PCLO: variants seen among roughly 807,000 people sequenced by gnomAD.
PCLO encodes the protein protein piccolo.
PCLO carries 82 observed loss-of-function variants against 427.5 expected under a neutral mutation model. The ratio of observed to expected loss-of-function variants is 0.19; its 90% CI spans 0.16 to 0.23. The LOEUF is 0.23. PCLO is among the 10% of genes least tolerant of loss of function. The pLI is 1.00. For missense variants in PCLO, 6,239 were observed against 6,115.9 expected (o/e 1.02, Z -0.67); for synonymous variants, 2,357 against 2,155.4 (o/e 1.09, Z -2.59).
intron 3 of PCLO, among the ~76,000 whole-genome samples, chr7:83,016,707 G>A (rs1414984344): frequency 6.6e-6 from 1 of 152,080 alleles, no homozygotes; most frequent in African/African-American, 2.4e-5. Context: ...AGTACTATGT[G>A]TAACATGGGA....
chr7:82,761,548 T>A, intron 22 of PCLO, 55 bp from the exon 23 acceptor site: 2 of 1,317,894 alleles, frequency 1.5e-6, no homozygotes, highest in South Asian at 1.3e-5. Context: ...TATGAAATGT[T>A]TAGTTCAGTA....
Position 83,162,402 on chromosome 7 carries a change from T to G in PCLO, c.191A>C (p.Gln64Pro). 1 of 1,598,728 alleles carries G rather than the reference T, an allele frequency of 6.3e-7. No individual in the cohort carries two copies. Among genetic ancestry groups the G allele is most frequent in the Non-Finnish European group, 8.5e-7 (1 of 1,172,516 alleles). ...RQIAAVMSRA[Q>P]GLPKGSVPPA... The stretch of plus-strand genomic sequence containing the variant: ...GGGGACGCTTCCCTTGGGCAGCCCC[T>G]GCGCCCTTGACATGACAGCGGCGAT... Residue 64 changes from glutamine to proline, a missense_variant, in exon 1 of 25, where the codon CAG becomes CCG. By Grantham distance (76) the Gln-to-Pro change is moderately conservative (BLOSUM62 -1). This residue lies in a region of PCLO where 4,677 missense variants were observed against 4,468.4 expected (regional missense o/e 1.05). Transcript: ENST00000333891.
intron 10 of PCLO, among the ~76,000 whole-genome samples, chr7:82,865,361 G>T (rs1229729661): frequency 3.8e-4 from 57 of 151,972 alleles, no homozygotes. Context: ...GGTGGCCAGC[G>T]ACTGTAATCC....
chr7:82,880,340 C>A (rs758267760), intron 9 of PCLO: 52 of 352,428 alleles, frequency 1.5e-4, no homozygotes, highest in Non-Finnish European at 2.6e-4. Context: ...GTTTTAAGAC[C>A]ATTATTTTGA....
chr7:83,091,602 G>A (rs577049286), intron 3 of PCLO, among the ~76,000 whole-genome samples: 3 of 152,022 alleles, frequency 2.0e-5, no homozygotes, highest in African/African-American at 7.2e-5. Flanking sequence ...AACACTCTTG[G>A]GAAGGAATTG....
chr7:83,069,682 T>G (rs7797507), intron 3 of PCLO, among the ~76,000 whole-genome samples: 13,944 of 151,734 alleles, frequency 0.092, 829 homozygotes, highest in East Asian at 0.17. Context: ...ACATAGTAAG[T>G]TTTTAATAAA....
At chr7:83,043,096 T>C (rs1274328726) in intron 3 of PCLO, among the ~76,000 whole-genome samples, 3 of 152,152 alleles carry the variant, frequency 2.0e-5, no homozygotes, top group East Asian at 1.9e-4. Flanking sequence ...TTCTGTTCAA[T>C]AGATCCTAGT....
At chr7:82,840,158 T>G (rs1419608036) in intron 14 of PCLO, among the ~76,000 whole-genome samples, 1 of 152,084 alleles carries the variant, frequency 6.6e-6, no homozygotes, top group Non-Finnish European at 1.5e-5. Context: ...GCATTTTCTT[T>G]GCTGTTTGTG....
rs376617723 is a variant in PCLO, at chr7:83,156,377, A to G, written c.264T>C (p.Asp88=). The G allele has an allele frequency of 7.7e-6, 12 of 1,559,120 alleles. No homozygotes were observed. Among genetic ancestry groups the G allele is most frequent in the Non-Finnish European group, 1.0e-5 (12 of 1,148,066 alleles). The change falls in exon 2 of 25, where the codon GAT becomes GAC. Residue 88 remains aspartate (D), a synonymous_variant. Transcript: ENST00000333891. ...SPSMHRKQEL[D]SSHPPKQSGR... ...CTGATTGCTTTGGAGGATGACTACT[A>G]TCCAACTCTTGTTTCCTAGAAGAGT...
In PCLO at chr7:83,096,898, A is replaced by ATATAATATATT. The variant is rs1562962135; in HGVS notation, c.3300+37351_3300+37352insAATATATTATA. Among the ~76,000 whole-genome samples, 8 of 59,012 alleles carry ATATAATATATT rather than the reference A, an allele frequency of 1.4e-4. 2 individuals carry two copies. Among genetic ancestry groups the ATATAATATATT allele is most frequent in the African/African-American group, 7.4e-4 (8 of 10,856 alleles). 38.7% of individuals were successfully genotyped at this position (59,012 alleles called of 152,430 possible). A position where few individuals can be genotyped will look rare whatever the true frequency, so the allele number is the denominator to read the frequency against. ...ATATAAATATATTATATAATATATTAATATTATATTATCTAAATATATATA... is the reference window on the plus strand; with the variant it reads ...ATATAAATATATTATATAATATATTATATAATATATTATATTATATTATCTAAATATATATA... On this transcript the variant is annotated intron_variant, in intron 3 of 24. Transcript: ENST00000333891.
In PCLO at chr7:82,952,906, T is replaced by G. The variant is rs1795395653; in HGVS notation, c.8047A>C (p.Arg2683=). 1.9e-6 allele frequency: 3 copies of G among 1,613,852 alleles called. No homozygotes were observed. The African/African-American group carries it at 4.0e-5, about 22-fold the overall frequency. The change falls in exon 5 of 25, where the codon AGA becomes CGA. Residue 2683 remains arginine, a synonymous_variant. Transcript: ENST00000333891. The part of the protein sequence containing the change: ...EVSKTEVSAT[R]STAPSVGLSS... The stretch of plus-strand genomic sequence containing the variant: ...AGACCAACACTAGGAGCTGTACTTC[T>G]GGTTGCTGAAACCTCAGTCTTGGAA...
At chr7:82,874,837 A>G (rs953365763) in intron 10 of PCLO, among the ~76,000 whole-genome samples, 4 of 152,192 alleles carry the variant, frequency 2.6e-5, no homozygotes, top group Admixed American at 1.3e-4. Context: ...AGAAATACCA[A>G]TGACAAAGAC....
chr7:83,038,606 C>A (rs905216763), intron 3 of PCLO, among the ~76,000 whole-genome samples: 3 of 151,960 alleles, frequency 2.0e-5, no homozygotes, highest in Non-Finnish European at 2.9e-5. Context: ...GAACAGATCA[C>A]ACTTTGTTCA....
In PCLO at chr7:82,929,653, T is replaced by C. The variant is rs1486747485; in HGVS notation, c.11113-12780A>G. 1.4e-4 allele frequency among the ~76,000 whole-genome samples: 21 copies of C among 152,182 alleles called. 1 individual carries two copies. Among genetic ancestry groups the C allele is most frequent in the Admixed American group, 1.4e-3 (21 of 15,262 alleles). On this transcript the variant is annotated intron_variant, in intron 6 of 24. Transcript: ENST00000333891. Reference sequence around the variant, plus strand: ...TAAACATAAATATAAAACTTATTTTTAACTTCCTTGATACACTCATATATT... The same window carrying C: ...TAAACATAAATATAAAACTTATTTTCAACTTCCTTGATACACTCATATATT...
intron 3 of PCLO, among the ~76,000 whole-genome samples, chr7:82,999,629 TTATA>T (rs1787745921): frequency 2.6e-5 from 1 of 39,038 alleles, no homozygotes; most frequent in Non-Finnish European, 3.8e-5. Flanking sequence ...AAATATAATA[TTATA>T]TTAAAATATA....
rs1480893114 is a variant in PCLO at position 82,827,849 on chromosome 7, CACCTAGAAATA to C, written c.14343+13_14343+23del. The C allele has an allele frequency of 8.0e-7, 1 of 1,251,688 alleles. No individual in the cohort carries two copies. Among genetic ancestry groups the C allele is most frequent in the African/African-American group, 1.5e-5 (1 of 67,954 alleles). The allele number at this position is 1,251,688 out of a possible 1,614,324, so 77.5% of individuals were successfully genotyped here. On this transcript the variant is annotated intron_variant, in intron 17 of 24. Transcript: ENST00000333891. ...TGTACTTATATTAGCCTAATTCTGT[CACCTAGAAATA>C]ATCTTGACATACCTGTTCCATGGAA... is the stretch of plus-strand genomic sequence containing the variant.
chr7:82,834,730 T>G (rs536755181), intron 16 of PCLO, among the ~76,000 whole-genome samples: 1 of 152,252 alleles, frequency 6.6e-6, no homozygotes, highest in Non-Finnish European at 1.5e-5. Context: ...ATTGTCTTAG[T>G]TGACAGTGTA....
intron 6 of PCLO, among the ~76,000 whole-genome samples, chr7:82,920,112 A>C (rs1794562108): frequency 6.6e-6 from 1 of 151,906 alleles, no homozygotes; most frequent in African/African-American, 2.4e-5. Flanking sequence ...TTCTCAACTA[A>C]GTATTTAATT....
intron 3 of PCLO, among the ~76,000 whole-genome samples, chr7:83,119,113 C>T (rs944925503): frequency 3.9e-5 from 6 of 152,190 alleles, no homozygotes; most frequent in Non-Finnish European, 7.3e-5. Flanking sequence ...AACCTGCTGC[C>T]TACTGGCAGG....
Sources: gnomAD v4.1 joint callset for allele counts (sites outside exome capture counted in the v4.1 genomes callset) on GRCh38, gnomAD v4.1.1 for gene constraint, gnomAD v4.1.1 regional missense constraint, MANE v1.5 for transcripts, NCBI Gene and HGNC (gene_info 2026-07-23, HGNC 2026-07-21) for gene names.